Variants in GNAI1 observed in about 807,000 individuals in gnomAD.
GNAI1 encodes guanine nucleotide-binding protein G(i) subunit alpha-1.
A neutral mutation model predicts 38.9 loss-of-function variants in GNAI1; 11 were observed. That is an observed-to-expected ratio of 0.28 (90% CI 0.18 to 0.47). The LOEUF (loss-of-function observed/expected upper bound fraction) is 0.47. GNAI1 is among the 20% of genes least tolerant of loss of function. The pLI is 0.99. For synonymous variants in GNAI1, 166 were observed against 145.1 expected (o/e 1.14, Z -1.04); for missense variants, 317 against 436.9 (o/e 0.73, Z 2.45).
In GNAI1 at chr7:80,220,123, G is replaced by A. The variant is rs560325433; in HGVS notation, c.*2630G>A. Among the ~76,000 whole-genome samples, 8 of 152,034 alleles carry A rather than the reference G, an allele frequency of 5.3e-5. No individual in the cohort carries two copies. The highest frequency in any genetic ancestry group is 1.9e-4 in the African/African-American group (8 of 41,338). ...GGCTCTGATTTGTCAATAAAATTAA[G>A]TATAAGTTAGCCTGCCATTTAATGC... On this transcript the variant is annotated 3_prime_UTR_variant, in exon 8 of 8. Coordinates refer to ENST00000649796, the MANE Select transcript of GNAI1 (RefSeq NM_002069.6).
chr7:80,211,186 T>TGAAA, intron 6 of GNAI1, 88 bp downstream of exon 6: 1 of 1,139,140 alleles, frequency 8.8e-7, no homozygotes, highest in Non-Finnish European at 1.3e-6. Flanking sequence ...TATAACAATT[T>TGAAA]GAAAGTACAG....
intron 1 of GNAI1, among the ~76,000 whole-genome samples, chr7:80,155,765 A>G (rs977552620): frequency 3.3e-5 from 5 of 152,096 alleles, no homozygotes; most frequent in South Asian, 2.1e-4. Context: ...TGAGCAGACT[A>G]TTAGAAAACT....
At position 80,217,310 on chromosome 7, in the gene GNAI1, C is replaced by T. The variant is rs1266880677; in HGVS notation, c.882C>T (p.Asn294=). The part of the protein sequence containing the change: ...TICYPEYAGS[N]TYEEAAAYIQ... The stretch of plus-strand genomic sequence containing the variant: ...TTCCTTTTTCCATCTCAGGATCAAA[C>T]ACATATGAAGAGGCAGCTGCATATA... The change falls in exon 8 of 8, where the codon AAC becomes AAT. Residue 294 remains asparagine, a synonymous_variant. Coordinates refer to ENST00000649796, the MANE Select transcript of GNAI1 (RefSeq NM_002069.6). 11 of 1,548,118 alleles carry T rather than the reference C, an allele frequency of 7.1e-6. No homozygotes were observed. Among genetic ancestry groups the T allele is most frequent in the Admixed American group, 2.0e-5 (1 of 48,792 alleles).
chr7:80,146,569 C>G (rs1211200304), intron 1 of GNAI1, among the ~76,000 whole-genome samples: 1 of 151,992 alleles, frequency 6.6e-6, no homozygotes, highest in Non-Finnish European at 1.5e-5. Flanking sequence ...TTAAACTTTA[C>G]TATGCATAGA....
At chr7:80,135,665 A>ACC in intron 1 of GNAI1, 1 of 64,648 alleles carries the variant, frequency 1.5e-5, no homozygotes, top group Non-Finnish European at 2.6e-5. Flanking sequence ...CCCCCGCGCC[A>ACC]CCAACCCCCT....
chr7:80,165,005 G>A (rs1787988180), intron 1 of GNAI1, among the ~76,000 whole-genome samples: 1 of 152,150 alleles, frequency 6.6e-6, no homozygotes, highest in Non-Finnish European at 1.5e-5. Flanking sequence ...AAAAGAGAAA[G>A]CTCAGACTTT....
chr7:80,196,318 T>C (rs1358946736), intron 3 of GNAI1, among the ~76,000 whole-genome samples: 1 of 152,032 alleles, frequency 6.6e-6, no homozygotes, highest in African/African-American at 2.4e-5. Context: ...ATCTTTCTTT[T>C]CACCACCACA....
Position 80,217,428 on chromosome 7 carries a change from T to C in GNAI1, c.1000T>C (p.Phe334Leu). The change falls in exon 8 of 8, where the codon TTT becomes CTT. Residue 334 changes from phenylalanine (F) to leucine (L), a missense_variant. By Grantham distance (22) the Phe-to-Leu change is conservative. Transcript: ENST00000649796. ...TCATDTKNVQFVFDAVTDVII... is the reference protein window; with the variant it reads ...TCATDTKNVQLVFDAVTDVII... ...TGCCACAGATACTAAGAATGTGCAG[T>C]TTGTTTTTGATGCTGTAACAGATGT... 6.2e-7 allele frequency: 1 copy of C among 1,610,890 alleles called. No homozygotes were observed. The highest frequency in any genetic ancestry group is 8.5e-7 in the Non-Finnish European group (1 of 1,178,052).
Position 80,217,414 on chromosome 7 carries a change from C to A in GNAI1, c.986C>A (p.Thr329Asn). 1 of 1,608,262 alleles carries A rather than the reference C, an allele frequency of 6.2e-7. No individual in the cohort carries two copies. Among genetic ancestry groups the A allele is most frequent in the Non-Finnish European group, 8.5e-7 (1 of 1,175,554 alleles). Residue 329 changes from threonine to asparagine, a missense_variant, in exon 8 of 8, where the codon ACT becomes AAT. Coordinates refer to ENST00000649796, the MANE Select transcript of GNAI1 (RefSeq NM_002069.6). ...IYTHFTCATD[T>N]KNVQFVFDAV... Reference sequence around the variant, plus strand: ...ACCCACTTCACATGTGCCACAGATACTAAGAATGTGCAGTTTGTTTTTGAT... The same window carrying A: ...ACCCACTTCACATGTGCCACAGATAATAAGAATGTGCAGTTTGTTTTTGAT...
Position 80,222,311 on chromosome 7 carries a change from C to T in GNAI1, c.*4818C>T, listed in dbSNP as rs761677918. On this transcript the variant is annotated 3_prime_UTR_variant, in exon 8 of 8. Transcript: ENST00000649796. ...TTCCAGCTTCTTTGATTTTACTGCCCGTCTTCCTAGGTCTCCATCCGTAAA... is the reference window on the plus strand; with the variant it reads ...TTCCAGCTTCTTTGATTTTACTGCCTGTCTTCCTAGGTCTCCATCCGTAAA... Among the ~76,000 whole-genome samples, 2 of 151,800 alleles carry T rather than the reference C, an allele frequency of 1.3e-5. No individual in the cohort carries two copies. Among genetic ancestry groups the T allele is most frequent in the Admixed American group, 6.6e-5 (1 of 15,216 alleles).
intron 5 of GNAI1, among the ~76,000 whole-genome samples, chr7:80,204,601 G>A (rs765642285): frequency 5.9e-5 from 9 of 152,132 alleles, no homozygotes; most frequent in Non-Finnish European, 1.0e-4. Flanking sequence ...GCAGAGTCTT[G>A]TTTTATCTAT....
chr7:80,187,715 T>TTCCTC (rs1454177025), intron 1 of GNAI1, among the ~76,000 whole-genome samples: 1 of 152,134 alleles, frequency 6.6e-6, no homozygotes, highest in Non-Finnish European at 1.5e-5. Flanking sequence ...CAGTCATAAA[T>TTCCTC]TCCTCCAGGA....
chr7:80,189,377 G>A, intron 3 of GNAI1, 146 bp downstream of exon 3: 1 of 686,094 alleles, frequency 1.5e-6, no homozygotes, highest in East Asian at 2.7e-5. Flanking sequence ...GAAATGAGGA[G>A]CGTTAGAAGT....
chr7:80,203,897 A>G (rs1163130514), intron 5 of GNAI1, 65 bp downstream of exon 5: 24 of 975,580 alleles, frequency 2.5e-5, no homozygotes, highest in Admixed American at 3.4e-5. Flanking sequence ...AGAAATAAAA[A>G]GTGTAATAAA....
intron 1 of GNAI1, among the ~76,000 whole-genome samples, chr7:80,142,812 C>A (rs1435511691): frequency 6.7e-6 from 1 of 150,134 alleles, no homozygotes; most frequent in Admixed American, 6.7e-5. Context: ...ATTTTGGGGA[C>A]CATATTCTTG....
chr7:80,178,107 A>G lies in GNAI1; in HGVS notation c.119-10844A>G, dbSNP rs928397879. On this transcript the variant is annotated intron_variant, in intron 1 of 7. Transcript: ENST00000649796. ...ACTTCAGTAGAGGAAGAAGCTGCAG[A>G]TGTGGTGGAAATAACAAGAGAACTA... Among the ~76,000 whole-genome samples the G allele has an allele frequency of 1.1e-4, 16 of 152,206 alleles. 1 individual carries two copies. The highest frequency in any genetic ancestry group is 1.3e-4 in the Non-Finnish European group (9 of 68,030).
At chr7:80,177,762 C>A (rs377632093) in intron 1 of GNAI1, among the ~76,000 whole-genome samples, 2 of 152,210 alleles carry the variant, frequency 1.3e-5, no homozygotes, top group African/African-American at 4.8e-5. Context: ...GTTTGAGCCA[C>A]TGTGCCCAGC....
chr7:80,157,397 A>G (rs1364690533), intron 1 of GNAI1, among the ~76,000 whole-genome samples: 2 of 152,232 alleles, frequency 1.3e-5, no homozygotes. Context: ...GAATAAAGCT[A>G]TTGTAAGCAT....
At chr7:80,189,281 T>C in intron 3 of GNAI1, 50 bp downstream of exon 3, 1 of 1,498,402 alleles carries the variant, frequency 6.7e-7, no homozygotes, top group Non-Finnish European at 9.2e-7. Flanking sequence ...AAAGAATAAC[T>C]TGTATGCTAA....
Sources: gnomAD v4.1 joint callset for allele counts (sites outside exome capture counted in the v4.1 genomes callset) on GRCh38, gnomAD v4.1.1 for gene constraint, MANE v1.5 for transcripts, NCBI Gene and HGNC (gene_info 2026-07-23, HGNC 2026-07-21) for gene names.